KIAA1671: variants seen among roughly 807,000 people sequenced by gnomAD.
KIAA1671 encodes the protein uncharacterized protein KIAA1671.
KIAA1671 carries 52 observed loss-of-function variants against 131.2 expected under a neutral mutation model. That is an observed-to-expected ratio of 0.40 (90% CI 0.32 to 0.50). KIAA1671 has a LOEUF of 0.50. Ranked by LOEUF, KIAA1671 falls within the 20% of genes least tolerant of loss-of-function variation. The probability of loss-of-function intolerance (pLI) is 0.73; values close to 1 mark genes in which losing one functional copy is unlikely to be tolerated. For missense variants in KIAA1671, 2,360 were observed against 2,364.2 expected (o/e 1.00, Z 0.04); for synonymous variants, 1,003 against 961.6 (o/e 1.04, Z -0.80).
intron 1 of KIAA1671, chr22:25,011,181 C>T (rs189465588): frequency 4.7e-5 from 7 of 149,894 alleles, no homozygotes; most frequent in Non-Finnish European, 7.4e-5. Flanking sequence ...CTCACTCTGT[C>T]GCCTAGACTG....
intron 1 of KIAA1671, among the ~76,000 whole-genome samples, chr22:24,988,319 C>A (rs1336314066): frequency 1.3e-5 from 2 of 151,728 alleles, no homozygotes; most frequent in Non-Finnish European, 2.9e-5. Context: ...GGATCTCAGC[C>A]CCCCAAACTG....
At chr22:25,187,008 C>T (rs1206408764) in intron 11 of KIAA1671, among the ~76,000 whole-genome samples, 2 of 152,188 alleles carry the variant, frequency 1.3e-5, no homozygotes, top group Admixed American at 6.5e-5. Context: ...CTGGAGTACC[C>T]TAGACCCCCA....
chr22:25,185,744 C>T (rs1039182104), intron 11 of KIAA1671: 1 of 152,262 alleles, frequency 6.6e-6, no homozygotes, highest in African/African-American at 2.4e-5. Context: ...TTAAGAGCTG[C>T]ATGATGTGGG....
At chr22:25,146,769 C>A (rs1424172265) in intron 6 of KIAA1671, among the ~76,000 whole-genome samples, 2 of 152,204 alleles carry the variant, frequency 1.3e-5, no homozygotes, top group Admixed American at 6.5e-5. Flanking sequence ...TTAATGCACT[C>A]ACCAAAGGAT....
intron 1 of KIAA1671, chr22:25,013,978 G>A (rs1569206239): frequency 6.6e-6 from 1 of 152,214 alleles, no homozygotes; most frequent in Non-Finnish European, 1.5e-5. Context: ...GTCACCATGG[G>A]AGGTGTTTTC....
intron 11 of KIAA1671, among the ~76,000 whole-genome samples, chr22:25,187,277 A>C (rs1254988770): frequency 6.6e-6 from 1 of 152,228 alleles, no homozygotes; most frequent in African/African-American, 2.4e-5. Context: ...ATACAAAAAG[A>C]ATACAAAGGG....
intron 11 of KIAA1671, among the ~76,000 whole-genome samples, chr22:25,188,526 G>A (rs897227646): frequency 6.6e-6 from 1 of 151,386 alleles, no homozygotes; most frequent in Non-Finnish European, 1.5e-5. Flanking sequence ...ACAAGGCAGA[G>A]ATTAGGGGTA....
At chr22:25,103,788 A>G (rs1207177704) in intron 6 of KIAA1671, among the ~76,000 whole-genome samples, 2 of 151,862 alleles carry the variant, frequency 1.3e-5, no homozygotes, top group African/African-American at 4.8e-5. Flanking sequence ...CACCACAACC[A>G]GCCCAGGGCA....
Position 24,958,026 on chromosome 22 carries a change from A to G in KIAA1671, c.-208+5254A>G, listed in dbSNP as rs1921810998. ...AACCCAGGTGGTGCCTGTTTTTGAG[A>G]CCCTCGACTTTACAGTTCATGAAAC... On this transcript the variant is annotated intron_variant, in intron 1 of 12. Coordinates refer to ENST00000358431, the MANE Select transcript of KIAA1671 (RefSeq NM_001145206.2). Among the ~76,000 whole-genome samples, 3 of 137,694 alleles carry G rather than the reference A, an allele frequency of 2.2e-5. No individual in the cohort carries two copies. The South Asian group carries it at 7.1e-4, about 33-fold the overall frequency. 90.3% of individuals were successfully genotyped at this position (137,694 alleles called of 152,430 possible). A position where few individuals can be genotyped will look rare whatever the true frequency, so the allele number is the denominator to read the frequency against.
At chr22:25,055,132 A>C (rs1927768119) in intron 6 of KIAA1671, 1 of 149,686 alleles carries the variant, frequency 6.7e-6, no homozygotes, top group Non-Finnish European at 1.5e-5. Context: ...GCCAGGGCAA[A>C]GGTTGAGAGG....
intron 1 of KIAA1671, among the ~76,000 whole-genome samples, chr22:24,958,643 T>C: frequency 7.5e-6 from 1 of 133,760 alleles, no homozygotes; most frequent in Non-Finnish European, 1.6e-5. Context: ...AGAGCAAGAC[T>C]CTGTCTCTTA....
intron 6 of KIAA1671, among the ~76,000 whole-genome samples, chr22:25,109,573 A>G (rs1356999147): frequency 6.6e-6 from 1 of 152,270 alleles, no homozygotes; most frequent in Non-Finnish European, 1.5e-5. Flanking sequence ...GACATCTATC[A>G]GCCATAACCT....
In KIAA1671 at chr22:25,040,029, G is replaced by A; in HGVS notation, c.2899G>A (p.Glu967Lys). ...TGATACATTCAGTTCTCTTGTCCCA[G>A]AGGACTCTCCACATGTGGGGCACAG... is the stretch of plus-strand genomic sequence containing the variant. Reference protein sequence around the residue: ...KFDTFSSLVPEDSPHVGHRRT... With the variant: ...KFDTFSSLVPKDSPHVGHRRT... The change falls in exon 5 of 13, where the codon GAG (glutamate) becomes AAG (lysine). Residue 967 changes from glutamate (E) to lysine (K), a missense_variant. Transcript: ENST00000358431. 1 of 1,551,724 alleles carries A rather than the reference G, an allele frequency of 6.4e-7. No individual in the cohort carries two copies. The highest frequency in any genetic ancestry group is 8.7e-7 in the Non-Finnish European group (1 of 1,147,006).
chr22:25,079,777 C>T lies in KIAA1671; in HGVS notation c.4530+30413C>T, dbSNP rs143780910. Among the ~76,000 whole-genome samples the T allele has an allele frequency of 1.8e-3, 271 of 152,222 alleles. 1 individual carries two copies. Among genetic ancestry groups the T allele is most frequent in the Non-Finnish European group, 2.8e-3 (189 of 68,014 alleles). On this transcript the variant is annotated intron_variant, in intron 6 of 12. Coordinates refer to ENST00000358431, the MANE Select transcript of KIAA1671 (RefSeq NM_001145206.2). ...TGCAGTCACTCTAAGGACTGTGCCTCGTGCTTGGGGACACCAGAGCCATGG... is the reference window on the plus strand; with the variant it reads ...TGCAGTCACTCTAAGGACTGTGCCTTGTGCTTGGGGACACCAGAGCCATGG...
intron 6 of KIAA1671, among the ~76,000 whole-genome samples, chr22:25,095,805 C>A (rs1028492154): frequency 3.9e-5 from 6 of 152,226 alleles, no homozygotes; most frequent in Non-Finnish European, 4.4e-5. Context: ...GTTTCCTGAT[C>A]CTTTTTGACT....
intron 1 of KIAA1671, among the ~76,000 whole-genome samples, chr22:25,017,138 T>G (rs1925371462): frequency 1.3e-5 from 2 of 151,930 alleles, no homozygotes; most frequent in African/African-American, 4.8e-5. Flanking sequence ...ATCCCAGCAG[T>G]TTGGGAGGCT....
At chr22:25,112,401 G>C (rs1601325775) in intron 6 of KIAA1671, 1 of 399,056 alleles carries the variant, frequency 2.5e-6, no homozygotes, top group East Asian at 3.6e-5. Flanking sequence ...TTCTCTGCTC[G>C]CAGCCAACAG....
intron 6 of KIAA1671, among the ~76,000 whole-genome samples, chr22:25,086,344 A>G (rs979319313): frequency 6.6e-6 from 1 of 152,208 alleles, no homozygotes; most frequent in Non-Finnish European, 1.5e-5. Flanking sequence ...GGGTAGGGAC[A>G]TGTCTTGCTC....
intron 6 of KIAA1671, among the ~76,000 whole-genome samples, chr22:25,093,779 T>A: frequency 1.7e-5 from 2 of 119,304 alleles, no homozygotes; most frequent in Non-Finnish European, 1.8e-5. Flanking sequence ...TCTCTCTCTC[T>A]CTCTCTCTCT....
Sources: gnomAD v4.1 joint callset for allele counts (sites outside exome capture counted in the v4.1 genomes callset) on GRCh38, gnomAD v4.1.1 for gene constraint, MANE v1.5 for transcripts, NCBI Gene and HGNC (gene_info 2026-07-23, HGNC 2026-07-21) for gene names.